Variants in COL4A4 observed in about 807,000 individuals in gnomAD.
The protein encoded by COL4A4 is collagen alpha-4(IV) chain.
A neutral mutation model predicts 192.9 loss-of-function variants in COL4A4; 105 were observed. That is an observed-to-expected ratio of 0.54 (90% CI 0.46 to 0.64). COL4A4 has a LOEUF of 0.64. Ranked by LOEUF, COL4A4 falls within the 30% of genes least tolerant of loss-of-function variation. COL4A4 has a pLI of 0.00. For synonymous variants in COL4A4, 762 were observed against 769.9 expected (o/e 0.99, Z 0.17); for missense variants, 1,967 against 2,169.3 (o/e 0.91, Z 1.85).
intron 15 of COL4A4, 71 bp downstream of exon 15, chr2:227,102,718 A>C (rs961544753): frequency 2.2e-5 from 29 of 1,336,866 alleles, no homozygotes; most frequent in Non-Finnish European, 3.0e-5. Flanking sequence ...GGGACTACTG[A>C]CCTGGTTTTA....
the COL4A4 span, among the ~76,000 whole-genome samples, chr2:226,989,316 C>T: frequency 7.9e-5 from 12 of 152,238 alleles, no homozygotes; most frequent in Admixed American, 7.2e-4. Context: ...TATGGATCCA[C>T]TTATGGACAA....
intron 1 of COL4A4, among the ~76,000 whole-genome samples, chr2:227,153,602 C>G (rs1196201426): frequency 6.6e-6 from 1 of 152,058 alleles, no homozygotes; most frequent in Admixed American, 6.6e-5. Context: ...ATAGTACAGA[C>G]AGAATGTGGA....
chr2:226,969,394 C>CTTTTTTT, the COL4A4 span, among the ~76,000 whole-genome samples: 2 of 115,540 alleles, frequency 1.7e-5, no homozygotes, highest in East Asian at 2.6e-4. Context: ...ACAGCTCAGC[C>CTTTTTTT]TTTTTTTTTT....
At chr2:227,019,121 C>G (rs1965494121) in intron 44 of COL4A4, among the ~76,000 whole-genome samples, 1 of 152,170 alleles carries the variant, frequency 6.6e-6, no homozygotes, top group Non-Finnish European at 1.5e-5. Flanking sequence ...GCTACAGTCA[C>G]CTGGGGGGCA....
At chr2:227,075,125 A>G (rs572602219) in intron 25 of COL4A4, among the ~76,000 whole-genome samples, 1 of 152,184 alleles carries the variant, frequency 6.6e-6, no homozygotes, top group African/African-American at 2.4e-5. Context: ...ACAATAGAAA[A>G]ATAAGAACTC....
In COL4A4 at chr2:227,112,956, T is replaced by G. The variant is rs759784066; in HGVS notation, c.559-1243A>C. Among the ~76,000 whole-genome samples, 9 of 152,096 alleles carry G rather than the reference T, an allele frequency of 5.9e-5. 1 individual carries two copies. In the East Asian group the frequency reaches 1.7e-3, roughly 29 times the overall value. On this transcript the variant is annotated intron_variant, in intron 8 of 47. Transcript: ENST00000396625. ...GAATATACCACATTTTGTTTATCCA[T>G]TCATCTGTTGATGGACACGATTACT...
chr2:226,981,787 T>C, the COL4A4 span, among the ~76,000 whole-genome samples: 1 of 152,154 alleles, frequency 6.6e-6, no homozygotes, highest in South Asian at 2.1e-4. Flanking sequence ...CCACCACAAT[T>C]CTAGGCTAAC....
chr2:227,082,331 T>G (rs1010475706), intron 22 of COL4A4, 144 bp from the exon 23 acceptor site: 1 of 775,300 alleles, frequency 1.3e-6, no homozygotes, highest in Non-Finnish European at 2.2e-6. Context: ...TCCACTTCCC[T>G]GCCTTCCAAG....
the COL4A4 span, among the ~76,000 whole-genome samples, chr2:226,978,458 T>C: frequency 2.0e-5 from 3 of 152,178 alleles, no homozygotes; most frequent in Non-Finnish European, 2.9e-5. Flanking sequence ...CCTGGACATA[T>C]GGACCATACC....
In COL4A4 at chr2:227,112,052, T is replaced by G. The variant is rs568960014; in HGVS notation, c.559-339A>C. ...GCTGGTGTCTTTCCACACCTTGCTA[T>G]GCTTTATAAACATCTTGACCCCCTT... is the stretch of plus-strand genomic sequence containing the variant. On this transcript the variant is annotated intron_variant, in intron 8 of 47. Transcript: ENST00000396625. 6.6e-4 allele frequency among the ~76,000 whole-genome samples: 100 copies of G among 152,254 alleles called. 1 individual carries two copies. The highest frequency in any genetic ancestry group is 1.9e-4 in the Non-Finnish European group (13 of 68,020).
chr2:227,014,913 T>TTTG (rs1964554162), intron 44 of COL4A4, among the ~76,000 whole-genome samples: 2 of 149,228 alleles, frequency 1.3e-5, no homozygotes, highest in Non-Finnish European at 3.0e-5. Flanking sequence ...TTTTTTTTTT[T>TTTG]TCTGAGATGG....
intron 6 of COL4A4, 57 bp downstream of exon 6, chr2:227,119,837 AT>A: frequency 8.1e-7 from 1 of 1,227,792 alleles, no homozygotes. Flanking sequence ...GGTTTTAAGG[AT>A]TTTGATGAGT....
chr2:227,142,711 G>T (rs2063301504), intron 3 of COL4A4, among the ~76,000 whole-genome samples: 1 of 150,002 alleles, frequency 6.7e-6, no homozygotes, highest in South Asian at 2.1e-4. Flanking sequence ...AGCTGAGATC[G>T]TACCACTGCA....
intron 4 of COL4A4, among the ~76,000 whole-genome samples, chr2:227,137,116 A>G (rs2062866298): frequency 6.6e-6 from 1 of 152,172 alleles, no homozygotes; most frequent in Admixed American, 6.5e-5. Flanking sequence ...TTGACCACGC[A>G]GACACAAAGA....
chr2:227,130,424 C>G (rs919250617), intron 4 of COL4A4, among the ~76,000 whole-genome samples: 1 of 152,216 alleles, frequency 6.6e-6, no homozygotes. Context: ...GCTAAGGGCT[C>G]CTGGTAAGCT....
intron 21 of COL4A4, 81 bp from the exon 22 acceptor site, chr2:227,088,897 G>A: frequency 1.3e-6 from 2 of 1,509,086 alleles, no homozygotes; most frequent in Non-Finnish European, 1.8e-6. Context: ...AAAACCAATA[G>A]CATAAATGAA....
chr2:227,150,402 T>C (rs1197408038), intron 1 of COL4A4, among the ~76,000 whole-genome samples: 1 of 152,152 alleles, frequency 6.6e-6, no homozygotes, highest in Non-Finnish European at 1.5e-5. Context: ...GCAGAACCAG[T>C]TTGTTGACTC....
chr2:227,089,587 C>CTATATATATATATATATA (rs1284003513), intron 21 of COL4A4, among the ~76,000 whole-genome samples: 1 of 62,098 alleles, frequency 1.6e-5, no homozygotes, highest in Non-Finnish European at 3.7e-5. Flanking sequence ...GGCAAATGTT[C>CTATATATATATATATATA]CATATATATA....
chr2:227,102,708 G>A (rs2060591831), intron 15 of COL4A4, 81 bp downstream of exon 15: 1 of 1,181,940 alleles, frequency 8.5e-7, no homozygotes, highest in African/African-American at 1.5e-5. Flanking sequence ...TTGAGCTTGT[G>A]GGACTACTGA....
Sources: allele counts gnomAD v4.1 joint callset (sites outside exome capture counted in the v4.1 genomes callset), GRCh38; gene constraint gnomAD v4.1.1; transcripts MANE v1.5; gene names NCBI Gene and HGNC (gene_info 2026-07-23, HGNC 2026-07-21).